EPAS1: variants seen among roughly 807,000 people sequenced by gnomAD.
EPAS1 encodes endothelial PAS domain-containing protein 1.
Under a neutral mutation model 87.9 loss-of-function variants are expected in EPAS1, and 23 were observed. The ratio of observed to expected loss-of-function variants is 0.26; its 90% confidence interval spans 0.19 to 0.37. The LOEUF (loss-of-function observed/expected upper bound fraction) is 0.37, where lower values mean the gene tolerates loss of function less well. Ranked by LOEUF, EPAS1 falls within the 10% of genes least tolerant of loss-of-function variation. The probability of loss-of-function intolerance (pLI) is 1.00; values close to 1 mark genes in which losing one functional copy is unlikely to be tolerated. For missense variants in EPAS1, 1,138 were observed against 1,120.7 expected (o/e 1.02, Z -0.22); for synonymous variants, 508 against 444.3 (o/e 1.14, Z -1.80).
chr2:46,376,874 G>A, intron 9 of EPAS1, 121 bp downstream of exon 9: 1 of 1,034,244 alleles, frequency 9.7e-7, no homozygotes, highest in South Asian at 1.4e-5. Flanking sequence ...AGCCCCCCAA[G>A]TCTTGTTAAT....
At position 46,346,320 on chromosome 2, in the gene EPAS1, G is replaced by A. The variant is rs1285565321; in HGVS notation, c.27-553G>A. Among the ~76,000 whole-genome samples, 2 of 152,192 alleles carry A rather than the reference G, an allele frequency of 1.3e-5. No individual in the cohort carries two copies. Among genetic ancestry groups the A allele is most frequent in the African/African-American group, 4.8e-5 (2 of 41,442 alleles). On this transcript the variant is annotated intron_variant, in intron 1 of 15. Coordinates refer to ENST00000263734, the MANE Select transcript of EPAS1 (RefSeq NM_001430.5). This position sits in a 1 kb window ranked among gnomAD's most constrained non-coding sequence, Gnocchi z 4.0. ...TGGGTGTCTGGCTAACTGTTCTGGG[G>A]CTGTAATGGCATTTTCAGTTTTTAC...
chr2:46,384,240 C>G (rs528657821), intron 15 of EPAS1, among the ~76,000 whole-genome samples: 1 of 152,300 alleles, frequency 6.6e-6, no homozygotes, highest in East Asian at 1.9e-4. Flanking sequence ...GGTCAGCAAC[C>G]CCAGGCTCTT....
intron 6 of EPAS1, among the ~76,000 whole-genome samples, chr2:46,362,716 G>A (rs899557632): frequency 2.0e-5 from 3 of 152,080 alleles, no homozygotes; most frequent in East Asian, 3.9e-4. Context: ...TTGGTTGGTC[G>A]CCCCTTCTTA....
chr2:46,348,551 C>T (rs1027973340), intron 2 of EPAS1, among the ~76,000 whole-genome samples: 3 of 152,212 alleles, frequency 2.0e-5, no homozygotes, highest in Non-Finnish European at 4.4e-5. Context: ...GAACCCTCTC[C>T]CCTGCTTTCC....
At chr2:46,342,197 A>G (rs1052268450) in intron 1 of EPAS1, among the ~76,000 whole-genome samples, 1 of 152,086 alleles carries the variant, frequency 6.6e-6, no homozygotes, top group Non-Finnish European at 1.5e-5. Flanking sequence ...ACTGAGAACC[A>G]CCGACTTTGG....
In EPAS1 at chr2:46,380,367, T is replaced by C; in HGVS notation, c.1695T>C (p.Ser565=). 2 of 1,614,108 alleles carry C rather than the reference T, an allele frequency of 1.2e-6. No homozygotes were observed. Among genetic ancestry groups the C allele is most frequent in the African/African-American group, 1.3e-5 (1 of 75,004 alleles). The change falls in exon 12 of 16, where the codon AGT becomes AGC. Residue 565 remains serine, a synonymous_variant. Coordinates refer to ENST00000263734, the MANE Select transcript of EPAS1 (RefSeq NM_001430.5). This position sits in a 1 kb window ranked among gnomAD's most constrained non-coding sequence, Gnocchi z 4.4. ...AGTCCACCCCCCAGCACTGCTTCAGTGCCATGACAAACATCTTCCAGCCAC... is the reference window on the plus strand; with the variant it reads ...AGTCCACCCCCCAGCACTGCTTCAGCGCCATGACAAACATCTTCCAGCCAC... ...NPQSTPQHCF[S]AMTNIFQPLA...
intron 1 of EPAS1, among the ~76,000 whole-genome samples, chr2:46,299,098 G>A (rs1178688565): frequency 6.6e-6 from 1 of 152,270 alleles, no homozygotes; most frequent in Non-Finnish European, 1.5e-5. Flanking sequence ...CTAAGGGAGG[G>A]AGGTGACTGG....
rs1374431246 is a variant in EPAS1, at chr2:46,356,868, T to C, written c.454+60T>C. The C allele has an allele frequency of 1.1e-5, 13 of 1,236,500 alleles. No homozygotes were observed. In the Admixed American group the frequency reaches 2.2e-4, roughly 21 times the overall value. The allele number at this position is 1,236,500 out of a possible 1,614,324, so 76.6% of individuals were successfully genotyped here. Reference sequence around the variant, plus strand: ...CACTGGGTGGGAATCTGCCTCCCCTTTGTCTACGGGTATAAGGGAGATAGC... The same window carrying C: ...CACTGGGTGGGAATCTGCCTCCCCTCTGTCTACGGGTATAAGGGAGATAGC... On this transcript the variant is annotated intron_variant, in intron 4 of 15. Transcript: ENST00000263734.
At chr2:46,344,247 T>C (rs1411562452) in intron 1 of EPAS1, among the ~76,000 whole-genome samples, 7 of 152,204 alleles carry the variant, frequency 4.6e-5, no homozygotes, top group Non-Finnish European at 1.0e-4. Context: ...TGACTCCAGA[T>C]TGCCTTTTCC....
chr2:46,297,793 C>T lies in EPAS1; in HGVS notation c.-119C>T, dbSNP rs1247578240. The T allele has an allele frequency of 1.4e-6, 2 of 1,388,194 alleles. No individual in the cohort carries two copies. The highest frequency in any genetic ancestry group is 1.4e-5 in the African/African-American group (1 of 69,146). 86.0% of individuals were successfully genotyped at this position (1,388,194 alleles called of 1,614,324 possible). A position where few individuals can be genotyped will look rare whatever the true frequency, so the allele number is the denominator to read the frequency against. ...CTGCGCGGGGCGCTCGGGACCTGCGCGCACCTCGGACCTTCACCACCCGCC... is the reference window on the plus strand; with the variant it reads ...CTGCGCGGGGCGCTCGGGACCTGCGTGCACCTCGGACCTTCACCACCCGCC... On this transcript the variant is annotated 5_prime_UTR_variant, in exon 1 of 16. Coordinates refer to ENST00000263734, the MANE Select transcript of EPAS1 (RefSeq NM_001430.5).
intron 1 of EPAS1, among the ~76,000 whole-genome samples, chr2:46,311,920 G>A (rs544658507): frequency 6.6e-5 from 10 of 152,286 alleles, no homozygotes; most frequent in South Asian, 4.2e-4. Context: ...TTGTTCCTGA[G>A]TCATCTCTTT....
chr2:46,350,592 C>T (rs978330057), intron 2 of EPAS1, among the ~76,000 whole-genome samples: 2 of 152,224 alleles, frequency 1.3e-5, no homozygotes, highest in Non-Finnish European at 2.9e-5. Context: ...ACAGGAACAT[C>T]GGTGGAAATG....
At chr2:46,383,704 G>C (rs1408053411) in intron 15 of EPAS1, among the ~76,000 whole-genome samples, 3 of 152,230 alleles carry the variant, frequency 2.0e-5, no homozygotes, top group Non-Finnish European at 4.4e-5. Context: ...CTTTTCAAAA[G>C]AGTTGAATCA....
rs186150237 is a variant in EPAS1 at position 46,342,556 on chromosome 2, G to C, written c.27-4317G>C. Among the ~76,000 whole-genome samples the C allele has an allele frequency of 1.2e-3, 183 of 152,280 alleles. 3 individuals are homozygous for C. The highest frequency in any genetic ancestry group is 0.012 in the Admixed American group (183 of 15,292). On this transcript the variant is annotated intron_variant, in intron 1 of 15. Coordinates refer to ENST00000263734, the MANE Select transcript of EPAS1 (RefSeq NM_001430.5). Reference sequence around the variant, plus strand: ...CTGAATGGCCACAGGCATTAGGCATGTGAGTCCTAATCACTCTAAAAGTCT... The same window carrying C: ...CTGAATGGCCACAGGCATTAGGCATCTGAGTCCTAATCACTCTAAAAGTCT...
intron 4 of EPAS1, among the ~76,000 whole-genome samples, chr2:46,357,328 C>T (rs899974467): frequency 3.9e-5 from 6 of 152,314 alleles, no homozygotes; most frequent in Admixed American, 6.5e-5. Context: ...ATCAGGATAG[C>T]TCACACACGT....
chr2:46,305,871 G>A (rs989074320), intron 1 of EPAS1, among the ~76,000 whole-genome samples: 17 of 152,214 alleles, frequency 1.1e-4, no homozygotes, highest in African/African-American at 4.1e-4. Context: ...TGATTGTGGT[G>A]CTGAAGGTAA....
intron 6 of EPAS1, among the ~76,000 whole-genome samples, chr2:46,366,842 C>A (rs183296300): frequency 1.3e-5 from 2 of 152,238 alleles, no homozygotes; most frequent in Non-Finnish European, 1.5e-5. Flanking sequence ...CCTTGTGTGC[C>A]GTAGGAGCGA....
intron 1 of EPAS1, among the ~76,000 whole-genome samples, chr2:46,303,050 G>T (rs1683043049): frequency 6.6e-6 from 1 of 152,200 alleles, no homozygotes; most frequent in Non-Finnish European, 1.5e-5. Flanking sequence ...TCCAGCGTGG[G>T]TGACAGAGCG....
At chr2:46,299,867 A>T (rs1402953432) in intron 1 of EPAS1, among the ~76,000 whole-genome samples, 1 of 152,226 alleles carries the variant, frequency 6.6e-6, no homozygotes, top group Non-Finnish European at 1.5e-5. Context: ...AACGTTGCGT[A>T]ATTAGACTCC....
Sources: gnomAD v4.1 joint callset for allele counts (sites outside exome capture counted in the v4.1 genomes callset) on GRCh38, gnomAD v4.1.1 for gene constraint, Gnocchi (gnomAD v3.1) non-coding constraint, MANE v1.5 for transcripts, NCBI Gene and HGNC (gene_info 2026-07-23, HGNC 2026-07-21) for gene names.